MDGA2: variants seen among roughly 807,000 people sequenced by gnomAD.
MDGA2 encodes the protein MAM domain containing glycosylphosphatidylinositol anchor 2.
Under a neutral mutation model 117.8 loss-of-function variants are expected in MDGA2, and 40 were observed. The ratio of observed to expected loss-of-function variants is 0.34; its 90% CI spans 0.26 to 0.44. The LOEUF is 0.44. Among genes scored for constraint, MDGA2 ranks in the 20% least tolerant of loss-of-function variants. The pLI is 1.00. For missense variants in MDGA2, 1,123 were observed against 1,250.6 expected (o/e 0.90, Z 1.54); for synonymous variants, 452 against 439.0 (o/e 1.03, Z -0.37).
At chr14:47,541,328 A>C (rs1251833831) in intron 1 of MDGA2, among the ~76,000 whole-genome samples, 1 of 152,226 alleles carries the variant, frequency 6.6e-6, no homozygotes, top group Non-Finnish European at 1.5e-5. Flanking sequence ...CAAAAATAAA[A>C]CCAAAACACT....
chr14:46,960,641 T>C (rs1339227403), intron 8 of MDGA2: 1 of 151,946 alleles, frequency 6.6e-6, no homozygotes, highest in East Asian at 1.9e-4. Context: ...TGTATGTGTG[T>C]GTATACATTT....
At chr14:47,434,047 T>G (rs1892850238) in intron 1 of MDGA2, among the ~76,000 whole-genome samples, 1 of 152,084 alleles carries the variant, frequency 6.6e-6, no homozygotes, top group Non-Finnish European at 1.5e-5. Context: ...AGATAAAAGC[T>G]TTTCATATCT....
At chr14:47,558,566 T>A (rs1441769364) in intron 1 of MDGA2, among the ~76,000 whole-genome samples, 1 of 152,150 alleles carries the variant, frequency 6.6e-6, no homozygotes, top group East Asian at 1.9e-4. Context: ...TAAAACAGGC[T>A]TTTAAGTAGT....
chr14:47,347,107 G>A (rs971438931), intron 1 of MDGA2, among the ~76,000 whole-genome samples: 9 of 152,140 alleles, frequency 5.9e-5, no homozygotes, highest in African/African-American at 1.9e-4. Flanking sequence ...ATGATCAGAC[G>A]TAAGTAGGGG....
At chr14:46,971,323 C>T (rs1376740277) in intron 8 of MDGA2, among the ~76,000 whole-genome samples, 1 of 152,048 alleles carries the variant, frequency 6.6e-6, no homozygotes, top group Non-Finnish European at 1.5e-5. Flanking sequence ...TATGTGTCCA[C>T]CAATGGATGA....
At chr14:47,220,664 T>A (rs1261232397) in intron 2 of MDGA2, among the ~76,000 whole-genome samples, 1 of 152,172 alleles carries the variant, frequency 6.6e-6, no homozygotes, top group Non-Finnish European at 1.5e-5. Flanking sequence ...AAAAATAAAA[T>A]TTTTGTTTAC....
chr14:46,963,394 T>C (rs554503801), intron 8 of MDGA2, among the ~76,000 whole-genome samples: 2 of 152,324 alleles, frequency 1.3e-5, no homozygotes, highest in South Asian at 4.1e-4. Context: ...CTCATGTTAC[T>C]TTCCTGTTCG....
At chr14:47,087,460 C>CAAAAAAAAAAAA (rs749371957) in intron 6 of MDGA2, among the ~76,000 whole-genome samples, 5 of 67,970 alleles carry the variant, frequency 7.4e-5, no homozygotes, top group African/African-American at 1.6e-4. Flanking sequence ...GACTCCACAT[C>CAAAAAAAAAAAA]AAAAAAAAAA....
intron 1 of MDGA2, among the ~76,000 whole-genome samples, chr14:47,628,884 C>G (rs1248149064): frequency 2.0e-5 from 3 of 152,310 alleles, no homozygotes; most frequent in African/African-American, 7.2e-5. Flanking sequence ...CACTCATACT[C>G]CACATATATA....
At chr14:47,324,854 A>AAAG (rs1566739336) in intron 1 of MDGA2, among the ~76,000 whole-genome samples, 13 of 149,348 alleles carry the variant, frequency 8.7e-5, no homozygotes, top group South Asian at 2.1e-4. Context: ...GAGAGAGAGA[A>AAAG]AGAGAGAGAG....
At chr14:47,483,405 T>G (rs1893994012) in intron 1 of MDGA2, among the ~76,000 whole-genome samples, 1 of 151,746 alleles carries the variant, frequency 6.6e-6, no homozygotes, top group Non-Finnish European at 1.5e-5. Flanking sequence ...ATAATCATGA[T>G]CACTAGACTT....
At chr14:46,893,472 T>C (rs1282874297) in intron 10 of MDGA2, among the ~76,000 whole-genome samples, 2 of 151,930 alleles carry the variant, frequency 1.3e-5, no homozygotes, top group South Asian at 2.1e-4. Flanking sequence ...TTACATAATA[T>C]AAATTTGCTA....
intron 3 of MDGA2, among the ~76,000 whole-genome samples, chr14:47,194,350 T>C (rs1885213064): frequency 6.6e-6 from 1 of 152,196 alleles, no homozygotes; most frequent in Non-Finnish European, 1.5e-5. Context: ...GTAGCTTCAT[T>C]CTGATGCATA....
intron 2 of MDGA2, among the ~76,000 whole-genome samples, chr14:47,278,019 C>A (rs1463575904): frequency 6.6e-6 from 1 of 151,686 alleles, no homozygotes; most frequent in Non-Finnish European, 1.5e-5. Context: ...GAGGGAAAGC[C>A]CAAGTAGCTA....
intron 1 of MDGA2, among the ~76,000 whole-genome samples, chr14:47,464,317 A>C (rs191019462): frequency 1.2e-4 from 19 of 152,282 alleles, no homozygotes; most frequent in African/African-American, 4.3e-4. Flanking sequence ...TAATATTTGA[A>C]TTAAGGGAAA....
At chr14:47,620,836 G>A (rs903533220) in intron 1 of MDGA2, among the ~76,000 whole-genome samples, 2 of 152,198 alleles carry the variant, frequency 1.3e-5, no homozygotes, top group African/African-American at 4.8e-5. Context: ...GACTGGGTCA[G>A]GCTGGCTGAG....
chr14:47,640,960 A>G (rs1467596308), intron 1 of MDGA2, among the ~76,000 whole-genome samples: 2 of 151,924 alleles, frequency 1.3e-5, no homozygotes, highest in Non-Finnish European at 2.9e-5. Flanking sequence ...GTACGTATCA[A>G]CCATTTCCCG....
At chr14:47,343,178 G>A (rs1890684113) in intron 1 of MDGA2, 1 of 1,140,310 alleles carries the variant, frequency 8.8e-7, no homozygotes, top group African/African-American at 1.6e-5. Context: ...TTATCATTCT[G>A]GTACAGGCTC....
At chr14:47,046,895 C>T (rs1038829282) in intron 7 of MDGA2, among the ~76,000 whole-genome samples, 1 of 152,048 alleles carries the variant, frequency 6.6e-6, no homozygotes, top group African/African-American at 2.4e-5. Flanking sequence ...TATACATTTA[C>T]ACAAATGCGT....
Sources: allele counts gnomAD v4.1 joint callset (sites outside exome capture counted in the v4.1 genomes callset), GRCh38; gene constraint gnomAD v4.1.1; transcripts MANE v1.5; gene names NCBI Gene and HGNC (gene_info 2026-07-23, HGNC 2026-07-21).